TLL1: variants seen among roughly 807,000 people sequenced by gnomAD.
The protein encoded by TLL1 is tolloid-like protein 1.
A neutral mutation model predicts 128.2 loss-of-function variants in TLL1; 49 were observed. The observed-to-expected ratio is 0.38, with a 90% CI of 0.30 to 0.48. The LOEUF is 0.48. Ranked by LOEUF, TLL1 falls within the 20% of genes least tolerant of loss-of-function variation. The pLI, the probability that TLL1 is intolerant of heterozygous loss-of-function variation, is 0.96. For synonymous variants in TLL1, 454 were observed against 418.8 expected (o/e 1.08, Z -1.03); for missense variants, 1,123 against 1,242.0 (o/e 0.90, Z 1.44).
chr4:166,049,647 G>A (rs910332396), intron 12 of TLL1, among the ~76,000 whole-genome samples: 3 of 151,016 alleles, frequency 2.0e-5, no homozygotes, highest in Admixed American at 6.6e-5. Flanking sequence ...AATTATTCAT[G>A]TGTTGTGTCA....
At chr4:166,066,246 G>A (rs2111126458) in intron 16 of TLL1, among the ~76,000 whole-genome samples, 1 of 151,148 alleles carries the variant, frequency 6.6e-6, no homozygotes. Context: ...TATAGAAATG[G>A]TTGCAGTAAG....
At chr4:166,096,345 G>A (rs912918992) in intron 19 of TLL1, among the ~76,000 whole-genome samples, 1 of 148,844 alleles carries the variant, frequency 6.7e-6, no homozygotes, top group African/African-American at 2.6e-5. Flanking sequence ...GCAAAACCGG[G>A]GGCGGGGGGA....
At chr4:165,978,628 T>TTTTG (rs930989527) in intron 1 of TLL1, among the ~76,000 whole-genome samples, 1 of 152,192 alleles carries the variant, frequency 6.6e-6, no homozygotes, top group African/African-American at 2.4e-5. Context: ...TGTTTTTTGT[T>TTTTG]TTTGTTTGTT....
rs534469812 is a variant in TLL1, at chr4:166,099,471, C to T, written c.2851C>T (p.Leu951Phe). ...AGACTGTGGCTATGACTATGTGGAGCTCTTTGATGGTCTTGATTCAACAGC... is the reference window on the plus strand; with the variant it reads ...AGACTGTGGCTATGACTATGTGGAGTTCTTTGATGGTCTTGATTCAACAGC... ...EADCGYDYVE[L>F]FDGLDSTAVG... The change falls in exon 20 of 21, where the codon CTC becomes TTC. Residue 951 changes from leucine (L) to phenylalanine (F), a missense_variant. By Grantham distance (22) the Leu-to-Phe change is conservative. This residue lies in a region of TLL1 where 634 missense variants were observed against 672.4 expected (regional missense o/e 0.94). Coordinates refer to ENST00000061240, the MANE Select transcript of TLL1 (RefSeq NM_012464.5). 7 of 1,613,354 alleles carry T rather than the reference C, an allele frequency of 4.3e-6. No individual in the cohort carries two copies. In the South Asian group the frequency reaches 7.7e-5, roughly 18 times the overall value.
chr4:165,952,462 T>C (rs1171363046), intron 1 of TLL1, among the ~76,000 whole-genome samples: 1 of 152,152 alleles, frequency 6.6e-6, no homozygotes, highest in Non-Finnish European at 1.5e-5. Flanking sequence ...AGTTATGGGA[T>C]GAAGTAGACA....
chr4:165,963,631 G>A (rs1579552388), intron 1 of TLL1, among the ~76,000 whole-genome samples: 1 of 152,236 alleles, frequency 6.6e-6, no homozygotes, highest in East Asian at 1.9e-4. Context: ...GGGAAGGAAA[G>A]AAATACACAG....
Position 165,883,166 on chromosome 4 carries a change from A to G in TLL1, c.169+9093A>G, listed in dbSNP as rs76171810. On this transcript the variant is annotated intron_variant, in intron 1 of 20. Transcript: ENST00000061240. ...TATGCTTCAAAAACAAGTGTCCTAT[A>G]TTAAATCTTGTTCTTGTATTGAATG... 4.9e-3 allele frequency among the ~76,000 whole-genome samples: 741 copies of G among 152,272 alleles called. 10 individuals carry two copies. The East Asian group carries it at 0.049, about 10-fold the overall frequency.
chr4:165,986,939 CAAA>C (rs1736418675), intron 1 of TLL1, among the ~76,000 whole-genome samples: 2 of 152,052 alleles, frequency 1.3e-5, no homozygotes, highest in African/African-American at 4.8e-5. Flanking sequence ...CCATCTGACT[CAAA>C]GAAGAGTGGG....
At position 165,934,642 on chromosome 4, in the gene TLL1, T is replaced by C. The variant is rs569090365; in HGVS notation, c.170-54739T>C. 3.3e-5 allele frequency among the ~76,000 whole-genome samples: 5 copies of C among 152,286 alleles called. No individual in the cohort carries two copies. The South Asian group carries it at 8.3e-4, about 25-fold the overall frequency. On this transcript the variant is annotated intron_variant, in intron 1 of 20. Transcript: ENST00000061240. ...AAAAGGGCAGAGGTAAAGGAACAGA[T>C]TTTCTTCTTATTCTGTACCACGTTC...
intron 12 of TLL1, among the ~76,000 whole-genome samples, chr4:166,046,578 T>G (rs1739468296): frequency 6.6e-6 from 1 of 152,190 alleles, no homozygotes; most frequent in Non-Finnish European, 1.5e-5. Context: ...GCCTTCTAGG[T>G]CATTCACAGA....
At chr4:165,915,823 T>C (rs1732753356) in intron 1 of TLL1, among the ~76,000 whole-genome samples, 2 of 152,184 alleles carry the variant, frequency 1.3e-5, no homozygotes, top group Admixed American at 6.5e-5. Context: ...ATAGTAGTAT[T>C]GTATTTGGTA....
intron 8 of TLL1, among the ~76,000 whole-genome samples, chr4:166,024,080 A>G (rs1738374644): frequency 6.6e-6 from 1 of 152,136 alleles, no homozygotes; most frequent in Admixed American, 6.6e-5. Flanking sequence ...TGATTTATAG[A>G]ACAGTGCCGA....
At position 166,030,986 on chromosome 4, in the gene TLL1, C is replaced by T. The variant is rs11930645; in HGVS notation, c.1158+5555C>T. The T allele has an allele frequency of 2.8e-3, 2,670 of 962,372 alleles. 59 individuals are homozygous for T. The African/African-American group carries it at 0.042, about 15-fold the overall frequency. 59.6% of individuals were successfully genotyped at this position (962,372 alleles called of 1,614,324 possible). A position where few individuals can be genotyped will look rare whatever the true frequency, so the allele number is the denominator to read the frequency against. On this transcript the variant is annotated intron_variant, in intron 9 of 20. Coordinates refer to ENST00000061240, the MANE Select transcript of TLL1 (RefSeq NM_012464.5). ...CTTCATTTCAAACATTTTTAATGTA[C>T]GATTTTGCACATTAAAGTTATCAAA...
chr4:166,042,699 A>G (rs1167871816), intron 11 of TLL1, among the ~76,000 whole-genome samples: 1 of 152,164 alleles, frequency 6.6e-6, no homozygotes, highest in African/African-American at 2.4e-5. Flanking sequence ...GGTGGAGGAG[A>G]CACTTCCTAG....
At chr4:165,969,578 T>G (rs980764926) in intron 1 of TLL1, among the ~76,000 whole-genome samples, 1 of 152,120 alleles carries the variant, frequency 6.6e-6, no homozygotes, top group Non-Finnish European at 1.5e-5. Context: ...AAAAATGTCT[T>G]CTCTTTCTTC....
rs7658428 is a variant in TLL1 at position 166,001,109 on chromosome 4, T to C, written c.633-2282T>C. ...CTGTCAAATGTCCTTATCCCAGAAATTGAAATAGTGAAATTCCTTTTAATC... is the reference window on the plus strand; with the variant it reads ...CTGTCAAATGTCCTTATCCCAGAAACTGAAATAGTGAAATTCCTTTTAATC... On this transcript the variant is annotated intron_variant, in intron 5 of 20. Coordinates refer to ENST00000061240, the MANE Select transcript of TLL1 (RefSeq NM_012464.5). 9.4e-3 allele frequency among the ~76,000 whole-genome samples: 1,438 copies of C among 152,240 alleles called. 28 individuals are homozygous for C. The highest frequency in any genetic ancestry group is 0.033 in the African/African-American group (1,359 of 41,550).
chr4:166,053,768 T>A (rs1047446727), intron 12 of TLL1, among the ~76,000 whole-genome samples: 3 of 152,142 alleles, frequency 2.0e-5, no homozygotes, highest in African/African-American at 7.2e-5. Context: ...TTCCATAAAT[T>A]AACGAATTGT....
Position 166,069,242 on chromosome 4 carries a change from C to T in TLL1, c.2188+3379C>T, listed in dbSNP as rs191550040. On this transcript the variant is annotated intron_variant, in intron 16 of 20. Coordinates refer to ENST00000061240, the MANE Select transcript of TLL1 (RefSeq NM_012464.5). ...AATAAAGATGTTAATATATTGTATACATTAATCAAGAGATATTTTATAGAC... is the reference window on the plus strand; with the variant it reads ...AATAAAGATGTTAATATATTGTATATATTAATCAAGAGATATTTTATAGAC... Among the ~76,000 whole-genome samples, 604 of 151,652 alleles carry T rather than the reference C, an allele frequency of 4.0e-3. 3 individuals carry two copies. The highest frequency in any genetic ancestry group is 7.3e-3 in the Non-Finnish European group (495 of 67,742).
At chr4:165,906,044 G>A (rs777914226) in intron 1 of TLL1, among the ~76,000 whole-genome samples, 6 of 152,150 alleles carry the variant, frequency 3.9e-5, no homozygotes, top group Admixed American at 6.5e-5. Flanking sequence ...ACTAAGGCCC[G>A]ATGCCTGTTT....
Sources: gnomAD v4.1 joint callset for allele counts (sites outside exome capture counted in the v4.1 genomes callset) on GRCh38, gnomAD v4.1.1 for gene constraint, gnomAD v4.1.1 regional missense constraint, MANE v1.5 for transcripts, NCBI Gene and HGNC (gene_info 2026-07-23, HGNC 2026-07-21) for gene names.